The following ARMC9 variants were observed in gnomAD, a reference collection of about 807,000 sequenced individuals.
ARMC9 encodes armadillo repeat containing 9.
Under a neutral mutation model 107.0 loss-of-function variants are expected in ARMC9, and 94 were observed. That is an observed-to-expected ratio of 0.88 (90% CI 0.74 to 1.04). ARMC9 has a LOEUF of 1.04. ARMC9 is among the 50% of genes least tolerant of loss of function. ARMC9 has a pLI of 0.00. For synonymous variants in ARMC9, 380 were observed against 396.9 expected, an observed-to-expected ratio of 0.96 and a Z score of 0.51; for missense variants, 942 against 1,030.1, an observed-to-expected ratio of 0.91 and a Z score of 1.17.
intron 3 of ARMC9, among the ~76,000 whole-genome samples, chr2:231,213,420 C>T (rs1253261088): frequency 3.3e-5 from 5 of 151,468 alleles, no homozygotes; most frequent in Non-Finnish European, 5.9e-5. Flanking sequence ...CTTTGGCCTT[C>T]CAAAGTGCTG....
chr2:231,237,429 CAAAA>C (rs1051482972), intron 8 of ARMC9, among the ~76,000 whole-genome samples: 1 of 151,642 alleles, frequency 6.6e-6, no homozygotes, highest in Admixed American at 6.6e-5. Flanking sequence ...TTTGCTATAA[CAAAA>C]AAATGTTGCA....
chr2:231,328,455 T>C (rs915577210), intron 19 of ARMC9, among the ~76,000 whole-genome samples: 1 of 152,228 alleles, frequency 6.6e-6, no homozygotes, highest in African/African-American at 2.4e-5. Context: ...GTTCTAAAAA[T>C]GTGTTAGTTT....
intron 9 of ARMC9, among the ~76,000 whole-genome samples, chr2:231,241,948 C>A (rs1367780771): frequency 6.6e-6 from 1 of 152,020 alleles, no homozygotes. Context: ...AGTTACATAA[C>A]TTTTATTATG....
chr2:231,375,289 G>A lies in ARMC9; in HGVS notation c.*3754G>A, dbSNP rs778954268. On this transcript the variant is annotated 3_prime_UTR_variant, in exon 25 of 25. Coordinates refer to ENST00000611582, the MANE Select transcript of ARMC9 (RefSeq NM_001352754.2). This position sits in a 1 kb window ranked among gnomAD's most constrained non-coding sequence, Gnocchi z 4.3. Reference sequence around the variant, plus strand: ...TTAGGCTTGTTCACATGGTGGCCTCGGGGCTCCCATGGCAGTTAGAGAAAT... The same window carrying A: ...TTAGGCTTGTTCACATGGTGGCCTCAGGGCTCCCATGGCAGTTAGAGAAAT... Among the ~76,000 whole-genome samples, 2 of 152,100 alleles carry A rather than the reference G, an allele frequency of 1.3e-5. No homozygotes were observed. The highest frequency in any genetic ancestry group is 1.3e-4 in the Admixed American group (2 of 15,274).
In ARMC9 at chr2:231,330,073, C is replaced by T. The variant is rs996463697; in HGVS notation, c.1774-1720C>T. 2.6e-5 allele frequency among the ~76,000 whole-genome samples: 4 copies of T among 152,168 alleles called. No individual in the cohort carries two copies. In the East Asian group the frequency reaches 5.8e-4, roughly 22 times the overall value. ...ACCCACTGGACATATTTGTGTAGGT[C>T]CATTTTGGAGTTCTGTGTTCCATTC... On this transcript the variant is annotated intron_variant, in intron 19 of 24. Coordinates refer to ENST00000611582, the MANE Select transcript of ARMC9 (RefSeq NM_001352754.2).
chr2:231,341,661 GA>G (rs2044519157), intron 20 of ARMC9, among the ~76,000 whole-genome samples: 9 of 141,732 alleles, frequency 6.4e-5, no homozygotes, highest in African/African-American at 2.8e-4. Context: ...TAGATAGATA[GA>G]TAGATAGATA....
intron 19 of ARMC9, among the ~76,000 whole-genome samples, chr2:231,314,370 G>A (rs1018665400): frequency 9.9e-5 from 15 of 152,110 alleles, no homozygotes; most frequent in African/African-American, 2.7e-4. Flanking sequence ...GAGCCACTGC[G>A]CCAGGTCATT....
rs543041589 is a variant in ARMC9 at position 231,374,156 on chromosome 2, C to T, written c.*2621C>T. The T allele has an allele frequency of 2.0e-5, 3 of 152,176 alleles. No homozygotes were observed. Among genetic ancestry groups the T allele is most frequent in the Non-Finnish European group, 4.4e-5 (3 of 68,022 alleles). 9.4% of individuals were successfully genotyped at this position (152,176 alleles called of 1,614,324 possible). A position where few individuals can be genotyped will look rare whatever the true frequency, so the allele number is the denominator to read the frequency against. On this transcript the variant is annotated 3_prime_UTR_variant, in exon 25 of 25. Coordinates refer to ENST00000611582, the MANE Select transcript of ARMC9 (RefSeq NM_001352754.2). ...TGACCCCAGTCTAAGGGGAAAGAAT[C>T]TAAAACACAAGTAAACCTGTTTAAA...
chr2:231,288,634 G>A (rs1049261378), intron 17 of ARMC9: 2 of 471,090 alleles, frequency 4.2e-6, no homozygotes, highest in Admixed American at 2.3e-5. Flanking sequence ...TGGAAGAGAT[G>A]CTTTCTCTCA....
intron 7 of ARMC9, among the ~76,000 whole-genome samples, chr2:231,230,989 T>G: frequency 6.6e-6 from 1 of 152,240 alleles, no homozygotes; most frequent in East Asian, 1.9e-4. Flanking sequence ...TCCAATAGGC[T>G]GCAGGCAGTT....
chr2:231,236,678 C>T (rs1433097608), intron 8 of ARMC9, among the ~76,000 whole-genome samples: 1 of 152,204 alleles, frequency 6.6e-6, no homozygotes, highest in African/African-American at 2.4e-5. Context: ...TGGTGTCTCA[C>T]ACCTGTAATC....
intron 15 of ARMC9, 43 bp downstream of exon 15, chr2:231,276,818 A>G: frequency 6.2e-7 from 1 of 1,603,138 alleles, no homozygotes; most frequent in Non-Finnish European, 8.5e-7. Flanking sequence ...AGGGGAAGAG[A>G]TCTTGACTCT....
intron 19 of ARMC9, among the ~76,000 whole-genome samples, chr2:231,328,832 T>G (rs1311022498): frequency 3.4e-5 from 5 of 145,086 alleles, no homozygotes; most frequent in African/African-American, 1.3e-4. Context: ...TTTTTTTTTT[T>G]GAGTCGGAGT....
intron 15 of ARMC9, among the ~76,000 whole-genome samples, chr2:231,277,429 G>T (rs139683498): frequency 0.022 from 3,417 of 152,222 alleles, 68 homozygotes; most frequent in Non-Finnish European, 0.031. Context: ...TAAACAGCTG[G>T]CTCAGGAGGA....
intron 19 of ARMC9, among the ~76,000 whole-genome samples, chr2:231,325,151 G>C (rs896150370): frequency 6.6e-6 from 1 of 152,208 alleles, no homozygotes; most frequent in African/African-American, 2.4e-5. Flanking sequence ...TGGAGCCTGG[G>C]AAGTTGAGGC....
chr2:231,238,931 G>A (rs1339468395), intron 8 of ARMC9, among the ~76,000 whole-genome samples: 1 of 152,206 alleles, frequency 6.6e-6, no homozygotes, highest in Non-Finnish European at 1.5e-5. Flanking sequence ...CAGGGGTGGA[G>A]TAGCCCTGCT....
chr2:231,309,321 A>T (rs1245433787), intron 19 of ARMC9, among the ~76,000 whole-genome samples: 1 of 152,246 alleles, frequency 6.6e-6, no homozygotes, highest in Non-Finnish European at 1.5e-5. Flanking sequence ...CCTTGGAAAC[A>T]GGTGCAGAAA....
At chr2:231,296,951 C>T (rs943613300) in intron 19 of ARMC9, among the ~76,000 whole-genome samples, 7 of 152,238 alleles carry the variant, frequency 4.6e-5, no homozygotes, top group African/African-American at 1.7e-4. Context: ...GGAGCAGTTA[C>T]TCCTGCAGTG....
At chr2:231,230,128 G>C (rs1050637557) in intron 7 of ARMC9, among the ~76,000 whole-genome samples, 11 of 152,260 alleles carry the variant, frequency 7.2e-5, no homozygotes, top group Non-Finnish European at 1.5e-4. Flanking sequence ...GTGGGAGGCT[G>C]AAGTGGGAGG....
Sources: allele counts gnomAD v4.1 joint callset (sites outside exome capture counted in the v4.1 genomes callset), GRCh38; gene constraint gnomAD v4.1.1; non-coding constraint Gnocchi (gnomAD v3.1); transcripts MANE v1.5; gene names NCBI Gene and HGNC (gene_info 2026-07-23, HGNC 2026-07-21).